DZANK1: variants seen among roughly 807,000 people sequenced by gnomAD.
DZANK1 encodes the protein double zinc ribbon and ankyrin repeat-containing protein 1.
Under a neutral mutation model 94.5 loss-of-function variants are expected in DZANK1, and 91 were observed. The ratio of observed to expected loss-of-function variants is 0.96; its 90% CI spans 0.81 to 1.15. The LOEUF (loss-of-function observed/expected upper bound fraction) is 1.15, where lower values mean the gene tolerates loss of function less well. Among genes scored for constraint, DZANK1 ranks in the 50% most tolerant of loss-of-function variants. The pLI is 0.00. For synonymous variants in DZANK1, 312 were observed against 325.3 expected (o/e 0.96, Z 0.44); for missense variants, 903 against 916.4 (o/e 0.99, Z 0.19).
intron 4 of DZANK1, chr20:18,454,168 A>G: frequency 2.6e-6 from 1 of 383,256 alleles, no homozygotes; most frequent in Non-Finnish European, 5.0e-6. Context: ...GTAGAGTCAG[A>G]CCAAAATCAG....
At chr20:18,436,449 A>C (rs571831544) in intron 8 of DZANK1, among the ~76,000 whole-genome samples, 47 of 151,606 alleles carry the variant, frequency 3.1e-4, no homozygotes, top group Non-Finnish European at 1.5e-5. Context: ...ATCTCAAAAA[A>C]AAAAAAAAAA....
At chr20:18,399,733 G>A (rs974511627) in intron 13 of DZANK1, among the ~76,000 whole-genome samples, 10 of 152,200 alleles carry the variant, frequency 6.6e-5, no homozygotes, top group African/African-American at 2.4e-4. Flanking sequence ...CTCATATGCA[G>A]GCGGAAGACG....
intron 10 of DZANK1, among the ~76,000 whole-genome samples, chr20:18,424,234 G>A (rs1334218449): frequency 1.3e-5 from 2 of 152,160 alleles, no homozygotes; most frequent in Non-Finnish European, 2.9e-5. Context: ...TGGATCACCT[G>A]AGGTCAGTTG....
At chr20:18,427,660 A>T (rs1317430524) in intron 9 of DZANK1, among the ~76,000 whole-genome samples, 1 of 151,830 alleles carries the variant, frequency 6.6e-6, no homozygotes, top group Non-Finnish European at 1.5e-5. Flanking sequence ...GAAAACCGTG[A>T]CACTGAGTAG....
At chr20:18,395,206 C>T (rs1406712601) in intron 15 of DZANK1, among the ~76,000 whole-genome samples, 2 of 152,112 alleles carry the variant, frequency 1.3e-5, no homozygotes, top group Non-Finnish European at 1.5e-5. Context: ...ACTAAAAATA[C>T]AAAACTTAGC....
In DZANK1 at chr20:18,399,125, C is replaced by CAA. The variant is rs11387673; in HGVS notation, c.1433-501_1433-500dup. ...TGGGCAACAGAGCAAGACTACATCT[C>CAA]AAAAAAAAAAAAAAAGAAACTTAAA... On this transcript the variant is annotated intron_variant, in intron 13 of 20. Coordinates refer to ENST00000262547, the Ensembl canonical transcript of DZANK1. Among the ~76,000 whole-genome samples, 125 of 127,518 alleles carry CAA rather than the reference C, an allele frequency of 9.8e-4. 1 individual carries two copies. Among genetic ancestry groups the CAA allele is most frequent in the Middle Eastern group, 4.2e-3 (1 of 240 alleles). The allele number at this position is 127,518 out of a possible 152,430, so 83.7% of individuals were successfully genotyped here. A position where few individuals can be genotyped will look rare whatever the true frequency, so the allele number is the denominator to read the frequency against.
At chr20:18,391,678 G>A (rs944328647) in intron 17 of DZANK1, among the ~76,000 whole-genome samples, 3 of 152,242 alleles carry the variant, frequency 2.0e-5, no homozygotes, top group African/African-American at 7.2e-5. Flanking sequence ...CCCGGGCATG[G>A]CTGTGGGGTG....
chr20:18,452,765 C>CT (rs1309958469), intron 5 of DZANK1, 26 bp from the exon 6 acceptor site: 34 of 1,533,390 alleles, frequency 2.2e-5, no homozygotes, highest in Middle Eastern at 1.8e-4. Context: ...AAACATTATT[C>CT]TTTGAGCATC....
chr20:18,423,940 T>C (rs1409238598), intron 10 of DZANK1, among the ~76,000 whole-genome samples: 1 of 151,616 alleles, frequency 6.6e-6, no homozygotes, highest in Non-Finnish European at 1.5e-5. Context: ...ATAAAAAAAA[T>C]AGGATTCAAA....
chr20:18,420,441 C>T (rs531053420), intron 10 of DZANK1: 9 of 159,356 alleles, frequency 5.6e-5, no homozygotes, highest in Admixed American at 3.2e-4. Flanking sequence ...TGGCTTAAGG[C>T]GAATGAGCCA....
chr20:18,464,446 T>G (rs1177911975), intron 2 of DZANK1, among the ~76,000 whole-genome samples: 1 of 152,160 alleles, frequency 6.6e-6, no homozygotes, highest in African/African-American at 2.4e-5. Context: ...CACGAACCTA[T>G]TTATCCTCAC....
Position 18,396,565 on chromosome 20 carries a change from A to G in DZANK1, c.1537-19T>C, listed in dbSNP as rs1391197569. 3.1e-6 allele frequency: 5 copies of G among 1,602,426 alleles called. No homozygotes were observed. Among genetic ancestry groups the G allele is most frequent in the African/African-American group, 2.7e-5 (2 of 74,624 alleles). On this transcript the variant is annotated intron_variant, in intron 14 of 20. Transcript: ENST00000262547. Reference sequence around the variant, plus strand: ...AGATAAGCTTTTAAAAGAGTTGTAGAGAGAATTCATAACTGTGGGTGTGGG... The same window carrying G: ...AGATAAGCTTTTAAAAGAGTTGTAGGGAGAATTCATAACTGTGGGTGTGGG...
At chr20:18,409,586 C>CACACACACA (rs367672370) in intron 13 of DZANK1, among the ~76,000 whole-genome samples, 1 of 112,518 alleles carries the variant, frequency 8.9e-6, no homozygotes, top group Non-Finnish European at 2.1e-5. Context: ...ACACACACCA[C>CACACACACA]CACCACCACC....
At chr20:18,396,379 C>G (rs1421727138) in intron 15 of DZANK1, 93 bp downstream of exon 15, 1 of 1,079,094 alleles carries the variant, frequency 9.3e-7, no homozygotes, top group Non-Finnish European at 1.4e-6. Context: ...GAAACTTTTC[C>G]TTTCTATGGA....
chr20:18,460,228 T>C, exon 3 of DZANK1: 6 of 1,596,768 alleles, frequency 3.8e-6, no homozygotes, highest in Non-Finnish European at 5.1e-6. Context: ...AAATGTGTTA[T>C]TTTCCCCATA....
intron 10 of DZANK1, chr20:18,420,800 A>G: frequency 5.7e-6 from 1 of 176,852 alleles, no homozygotes; most frequent in Non-Finnish European, 1.3e-5. Flanking sequence ...TCCATACTAC[A>G]AACATGTATT....
Position 18,465,320 on chromosome 20 carries a change from T to TG in DZANK1, c.38dup (p.Leu14IlefsTer10). On this transcript the variant is annotated frameshift_variant, in exon 2 of 21. Transcript: ENST00000262547. LOFTEE classifies it high-confidence loss of function. ...CTTTTCCAGGCTGAGGCACTCGTAATGGTATGATCTGAGGGACACACACTG... is the reference window on the plus strand; with the variant it reads ...CTTTTCCAGGCTGAGGCACTCGTAATGGGTATGATCTGAGGGACACACACTG... 6.2e-7 allele frequency: 1 copy of TG among 1,610,592 alleles called. No individual in the cohort carries two copies. Among genetic ancestry groups the TG allele is most frequent in the Admixed American group, 1.7e-5 (1 of 59,700 alleles).
At chr20:18,452,334 C>T (rs1266915466) in intron 6 of DZANK1, among the ~76,000 whole-genome samples, 1 of 152,170 alleles carries the variant, frequency 6.6e-6, no homozygotes, top group African/African-American at 2.4e-5. Flanking sequence ...CCTCTGAGAA[C>T]CACTGCTCTA....
At chr20:18,452,717 A>C (rs1335806166) in intron 5 of DZANK1, 2 of 1,592,118 alleles carry the variant, frequency 1.3e-6, no homozygotes, top group East Asian at 4.5e-5. Context: ...TTTTAGGGTC[A>C]GTTCTTTCAC....
Sources: allele counts gnomAD v4.1 joint callset (sites outside exome capture counted in the v4.1 genomes callset), GRCh38; gene constraint gnomAD v4.1.1; transcripts MANE v1.5; gene names NCBI Gene and HGNC (gene_info 2026-07-23, HGNC 2026-07-21).